The following USP34 variants were observed in gnomAD, a reference collection of about 807,000 sequenced individuals.
USP34 encodes the protein ubiquitin specific peptidase 34.
A neutral mutation model predicts 460.3 loss-of-function variants in USP34; 70 were observed. The ratio of observed to expected loss-of-function variants is 0.15; its 90% CI spans 0.13 to 0.19. The LOEUF (loss-of-function observed/expected upper bound fraction) is 0.19. Ranked by LOEUF, USP34 falls within the 10% of genes least tolerant of loss-of-function variation. The pLI, the probability that USP34 is intolerant of heterozygous loss-of-function variation, is 1.00. For missense variants in USP34, 3,985 were observed against 4,236.2 expected (o/e 0.94, Z 1.65); for synonymous variants, 1,647 against 1,405.3 (o/e 1.17, Z -3.85).
chr2:61,409,486 G>C (rs1337067365), intron 2 of USP34, among the ~76,000 whole-genome samples: 1 of 152,172 alleles, frequency 6.6e-6, no homozygotes, highest in Non-Finnish European at 1.5e-5. Flanking sequence ...GGCCAAGGCA[G>C]GTGGATCACT....
At chr2:61,428,291 T>C (rs772345327) in intron 1 of USP34, among the ~76,000 whole-genome samples, 55 of 147,104 alleles carry the variant, frequency 3.7e-4, no homozygotes, top group African/African-American at 6.2e-4. Context: ...AAATCAGTCA[T>C]TGAAAACTGG....
chr2:61,258,373 G>A (rs774895774), intron 44 of USP34, among the ~76,000 whole-genome samples: 9 of 152,108 alleles, frequency 5.9e-5, no homozygotes, highest in Non-Finnish European at 1.2e-4. Context: ...CACAATCCCT[G>A]TCCTCAAGAT....
At chr2:61,236,303 C>T (rs1688067022) in intron 54 of USP34, 22 bp downstream of exon 54, 1 of 1,595,348 alleles carries the variant, frequency 6.3e-7, no homozygotes, top group Non-Finnish European at 8.5e-7. Context: ...AAAATATCTA[C>T]TATGAAATTT....
At chr2:61,424,505 T>C (rs1237248392) in intron 1 of USP34, among the ~76,000 whole-genome samples, 1 of 152,130 alleles carries the variant, frequency 6.6e-6, no homozygotes, top group African/African-American at 2.4e-5. Flanking sequence ...CGTTTCAGTT[T>C]TGTCACATGA....
At chr2:61,422,363 TG>T (rs1694388458) in intron 1 of USP34, among the ~76,000 whole-genome samples, 1 of 152,152 alleles carries the variant, frequency 6.6e-6, no homozygotes, top group African/African-American at 2.4e-5. Flanking sequence ...AAAAAAAGTT[TG>T]TGTGGCCAGA....
rs1009643291 is a variant in USP34 at position 61,414,124 on chromosome 2, G to A, written c.131+6622C>T. The stretch of plus-strand genomic sequence containing the variant: ...ATACAAAAGAAATTAGCCGGGCAGC[G>A]TGCACCTGTAGTCCCAGCTACTCGG... On this transcript the variant is annotated intron_variant, in intron 2 of 79. Transcript: ENST00000398571. Among the ~76,000 whole-genome samples the A allele has an allele frequency of 5.9e-5, 9 of 151,460 alleles. No individual in the cohort carries two copies. The East Asian group carries it at 1.4e-3, about 23-fold the overall frequency.
At chr2:61,272,358 C>A (rs1689240391) in intron 41 of USP34, among the ~76,000 whole-genome samples, 1 of 150,136 alleles carries the variant, frequency 6.7e-6, no homozygotes, top group Admixed American at 6.6e-5. Context: ...TTGCAGTGAG[C>A]CAAGATCATG....
intron 5 of USP34, among the ~76,000 whole-genome samples, chr2:61,391,421 ATG>A (rs1304685544): frequency 6.6e-6 from 1 of 152,176 alleles, no homozygotes; most frequent in Non-Finnish European, 1.5e-5. Flanking sequence ...TCTCTTCTGA[ATG>A]TGTGATTTAG....
chr2:61,229,051 G>A (rs544927610), intron 59 of USP34, 56 bp from the exon 60 acceptor site: 11 of 1,320,480 alleles, frequency 8.3e-6, no homozygotes, highest in East Asian at 2.4e-5. Flanking sequence ...AATACTGTTC[G>A]AGAGAAAAAG....
intron 53 of USP34, among the ~76,000 whole-genome samples, chr2:61,237,554 ATTTTTT>A (rs71403400): frequency 5.8e-4 from 26 of 45,152 alleles, no homozygotes; most frequent in South Asian, 2.3e-3. Context: ...TTTTCTGTGG[ATTTTTT>A]TTTTTTTTTT....
At chr2:61,383,113 A>G (rs1693023830) in intron 6 of USP34, among the ~76,000 whole-genome samples, 156 bp downstream of exon 6, 2 of 152,300 alleles carry the variant, frequency 1.3e-5, no homozygotes, top group African/African-American at 4.8e-5. Context: ...ATAAATCCAT[A>G]TATGTGCATA....
chr2:61,364,407 A>T (rs1349216073), intron 10 of USP34, among the ~76,000 whole-genome samples: 1 of 152,196 alleles, frequency 6.6e-6, no homozygotes, highest in Non-Finnish European at 1.5e-5. Context: ...GGCTGAAAGG[A>T]CGAAGGAAAT....
chr2:61,271,119 A>G (rs1222111500), intron 41 of USP34, among the ~76,000 whole-genome samples: 2 of 152,088 alleles, frequency 1.3e-5, no homozygotes, highest in Non-Finnish European at 2.9e-5. Flanking sequence ...ACCCGCCTCT[A>G]CAAAAACAAA....
chr2:61,320,640 G>T (rs1690887941), intron 21 of USP34, among the ~76,000 whole-genome samples: 1 of 151,620 alleles, frequency 6.6e-6, no homozygotes, highest in Admixed American at 6.6e-5. Flanking sequence ...TGAGGTGGGA[G>T]AATCACTTGT....
chr2:61,265,974 G>A lies in USP34; in HGVS notation c.5617+10C>T, dbSNP rs748755217. The A allele has an allele frequency of 4.5e-6, 7 of 1,547,200 alleles. No homozygotes were observed. The South Asian group carries it at 7.4e-5, about 16-fold the overall frequency. On this transcript the variant is annotated intron_variant, in intron 42 of 79. Coordinates refer to ENST00000398571, the MANE Select transcript of USP34 (RefSeq NM_014709.4). ...ATCTATAAAGATTAAAGGAAAAGAA[G>A]AATGCTTACACTGCATGTGTTGTGC...
chr2:61,324,638 G>A (rs1173177136), intron 21 of USP34, among the ~76,000 whole-genome samples: 1 of 151,994 alleles, frequency 6.6e-6, no homozygotes, highest in Non-Finnish European at 1.5e-5. Flanking sequence ...AGCTGGCTAT[G>A]GTGGTGCATA....
chr2:61,190,440 T>A, intron 77 of USP34, 26 bp from the exon 78 acceptor site: 1 of 1,598,780 alleles, frequency 6.3e-7, no homozygotes, highest in South Asian at 1.1e-5. Context: ...TAAAAAAATC[T>A]CCAAAAGACC....
intron 71 of USP34, among the ~76,000 whole-genome samples, chr2:61,206,550 A>G (rs145245906): frequency 3.3e-5 from 5 of 152,248 alleles, no homozygotes; most frequent in Non-Finnish European, 4.4e-5. Flanking sequence ...CTGCTTGCGT[A>G]TTTTTCAGGC....
chr2:61,198,355 T>C (rs1441473564), intron 75 of USP34, among the ~76,000 whole-genome samples: 1 of 152,154 alleles, frequency 6.6e-6, no homozygotes, highest in African/African-American at 2.4e-5. Flanking sequence ...TGAACTATGG[T>C]TTACTTAACC....
Sources: gnomAD v4.1 joint callset for allele counts (sites outside exome capture counted in the v4.1 genomes callset) on GRCh38, gnomAD v4.1.1 for gene constraint, MANE v1.5 for transcripts, NCBI Gene and HGNC (gene_info 2026-07-23, HGNC 2026-07-21) for gene names.